Variants in RCAN3 observed in about 807,000 individuals in gnomAD.
RCAN3 encodes the protein calcipressin-3.
Under a neutral mutation model 21.9 loss-of-function variants are expected in RCAN3, and 19 were observed. That is an observed-to-expected ratio of 0.87 (90% CI 0.61 to 1.27). RCAN3 has a LOEUF of 1.27. RCAN3 is among the 50% of genes most tolerant of loss of function. The pLI is 0.00. For missense variants in RCAN3, 240 were observed against 300.1 expected (o/e 0.80, Z 1.48); for synonymous variants, 114 against 112.3 (o/e 1.01, Z -0.09).
chr1:24,503,385 C>T (rs942688100), intron 1 of RCAN3, among the ~76,000 whole-genome samples: 15 of 152,036 alleles, frequency 9.9e-5, no homozygotes, highest in Non-Finnish European at 2.1e-4. Context: ...AGGGTGGTGT[C>T]CCGGAAAACA....
At chr1:24,533,021 G>A (rs1649910985) in intron 3 of RCAN3, 62 bp from the exon 4 acceptor site, 6 of 1,090,170 alleles carry the variant, frequency 5.5e-6, no homozygotes, top group Non-Finnish European at 7.3e-6. Flanking sequence ...CAACATAAAG[G>A]TGAAAATGAA....
In RCAN3 at chr1:24,535,435, G is replaced by A. The variant is rs1650164851; in HGVS notation, c.*158G>A. ...CCTGTACTGCAGACACGGTCGTGTA[G>A]AGTAGCAGCTGATTTGACCTGTCCC... is the stretch of plus-strand genomic sequence containing the variant. On this transcript the variant is annotated 3_prime_UTR_variant, in exon 5 of 5. Coordinates refer to ENST00000374395, the MANE Select transcript of RCAN3 (RefSeq NM_013441.4). 1 of 661,186 alleles carries A rather than the reference G, an allele frequency of 1.5e-6. No individual in the cohort carries two copies. Among genetic ancestry groups the A allele is most frequent in the Admixed American group, 4.3e-5 (1 of 23,242 alleles). The allele number at this position is 661,186 out of a possible 1,614,324, so 41.0% of individuals were successfully genotyped here. A position where few individuals can be genotyped will look rare whatever the true frequency, so the allele number is the denominator to read the frequency against.
chr1:24,531,411 A>G lies in RCAN3; in HGVS notation c.369+20A>G. 1 of 1,539,936 alleles carries G rather than the reference A, an allele frequency of 6.5e-7. No homozygotes were observed. Among genetic ancestry groups the G allele is most frequent in the Non-Finnish European group, 8.8e-7 (1 of 1,141,284 alleles). ...GCACAGGTACTTCACCGTGCAGAGA[A>G]CACTGTTCTCTAAACTTGTTTTTCT... On this transcript the variant is annotated intron_variant, in intron 3 of 4. Transcript: ENST00000374395.
intron 2 of RCAN3, 38 bp downstream of exon 2, chr1:24,514,605 T>C (rs1320465406): frequency 1.3e-6 from 2 of 1,568,776 alleles, no homozygotes; most frequent in East Asian, 2.2e-5. Context: ...ATTTGTAGCA[T>C]GTTAAATGTG....
intron 1 of RCAN3, among the ~76,000 whole-genome samples, chr1:24,505,225 C>CTTT (rs1351108344): frequency 1.6e-4 from 18 of 109,560 alleles, no homozygotes; most frequent in Non-Finnish European, 2.7e-4. Context: ...TTTTTTTTCT[C>CTTT]TTTTTTCTTT....
At chr1:24,506,290 A>G (rs1326006469) in intron 1 of RCAN3, among the ~76,000 whole-genome samples, 2 of 152,210 alleles carry the variant, frequency 1.3e-5, no homozygotes, top group African/African-American at 4.8e-5. Context: ...AGAAATATAG[A>G]TATCTTGGGA....
At chr1:24,521,998 C>T (rs1648860494) in intron 2 of RCAN3, among the ~76,000 whole-genome samples, 1 of 152,048 alleles carries the variant, frequency 6.6e-6, no homozygotes, top group South Asian at 2.1e-4. Context: ...GATGGTCACA[C>T]AGTAAGACTG....
rs114361596 is a variant in RCAN3 at position 24,522,286 on chromosome 1, G to A, written c.195+7719G>A. ...TTGCTGGAGCAGCCAGCTGTGTGCA[G>A]GTGTGACCTCACACCTGGCCTGAGC... is the stretch of plus-strand genomic sequence containing the variant. On this transcript the variant is annotated intron_variant, in intron 2 of 4. Transcript: ENST00000374395. Among the ~76,000 whole-genome samples, 674 of 152,254 alleles carry A rather than the reference G, an allele frequency of 4.4e-3. 3 individuals carry two copies. The highest frequency in any genetic ancestry group is 6.8e-3 in the Non-Finnish European group (462 of 68,012).
rs1287043997 is a variant in RCAN3, at chr1:24,540,357, A to G, written c.*5080A>G. 1 of 152,296 alleles carries G rather than the reference A, an allele frequency of 6.6e-6. No homozygotes were observed. Among genetic ancestry groups the G allele is most frequent in the African/African-American group, 2.4e-5 (1 of 41,512 alleles). 9.4% of individuals were successfully genotyped at this position (152,296 alleles called of 1,614,324 possible). Reference sequence around the variant, plus strand: ...GGTCTGTCTGGATGTAAACCTATATATTTCCTTTTGAAACAGAATCATATC... The same window carrying G: ...GGTCTGTCTGGATGTAAACCTATATGTTTCCTTTTGAAACAGAATCATATC... On this transcript the variant is annotated 3_prime_UTR_variant, in exon 5 of 5. Coordinates refer to ENST00000374395, the MANE Select transcript of RCAN3 (RefSeq NM_013441.4).
At chr1:24,529,519 C>G (rs1649570145) in intron 2 of RCAN3, among the ~76,000 whole-genome samples, 2 of 149,120 alleles carry the variant, frequency 1.3e-5, no homozygotes, top group South Asian at 4.3e-4. Context: ...CCACTGCACT[C>G]CAGCCTGGGT....
At chr1:24,511,895 A>C (rs1249955340) in intron 1 of RCAN3, among the ~76,000 whole-genome samples, 1 of 152,156 alleles carries the variant, frequency 6.6e-6, no homozygotes, top group Non-Finnish European at 1.5e-5. Flanking sequence ...GGTAGTGTGG[A>C]GGCCAAACTG....
intron 1 of RCAN3, among the ~76,000 whole-genome samples, chr1:24,505,343 A>G (rs1647361241): frequency 2.1e-5 from 3 of 142,286 alleles, no homozygotes; most frequent in African/African-American, 8.0e-5. Context: ...AGGCTCAAGT[A>G]TTCCTCCCAC....
At chr1:24,526,580 C>T (rs1409647521) in intron 2 of RCAN3, among the ~76,000 whole-genome samples, 2 of 152,124 alleles carry the variant, frequency 1.3e-5, no homozygotes, top group Non-Finnish European at 2.9e-5. Flanking sequence ...TGCGTTGGTA[C>T]TAGGAAGAAT....
chr1:24,531,392 G>A lies in RCAN3; in HGVS notation c.369+1G>A. On this transcript the variant is annotated splice_donor_variant, in intron 3 of 4. Transcript: ENST00000374395. LOFTEE classifies it high-confidence loss of function. ...GAAGCTAAAGCTATATTTTGCACAG[G>A]TACTTCACCGTGCAGAGAACACTGT... 1.2e-6 allele frequency: 2 copies of A among 1,601,984 alleles called. No individual in the cohort carries two copies. The highest frequency in any genetic ancestry group is 1.7e-6 in the Non-Finnish European group (2 of 1,173,818).
At chr1:24,530,009 AC>A (rs11340138) in intron 2 of RCAN3, among the ~76,000 whole-genome samples, 64,079 of 141,900 alleles carry the variant, frequency 0.45, 14,630 homozygotes, top group East Asian at 0.7. Context: ...AAAAAAAAAA[AC>A]AAAACAAAAT....
intron 3 of RCAN3, among the ~76,000 whole-genome samples, chr1:24,532,777 T>TA (rs1439196968): frequency 1.3e-5 from 2 of 150,294 alleles, no homozygotes; most frequent in African/African-American, 4.9e-5. Flanking sequence ...TGCAACCCCG[T>TA]CTCTACTAAA....
intron 3 of RCAN3, among the ~76,000 whole-genome samples, chr1:24,532,010 T>C (rs1014340812): frequency 1.3e-5 from 2 of 152,066 alleles, no homozygotes; most frequent in Non-Finnish European, 2.9e-5. Context: ...TTTCAAAACA[T>C]TTTTTTCAGT....
upstream of RCAN3, chr1:24,502,747 G>GGCCCCCGCGC (rs1363790847): frequency 6.6e-6 from 1 of 150,580 alleles, no homozygotes; most frequent in African/African-American, 2.4e-5. Context: ...CCCCCACCCC[G>GGCCCCCGCGC]GCCCCCGCGC....
intron 2 of RCAN3, among the ~76,000 whole-genome samples, chr1:24,523,652 T>A: frequency 6.7e-6 from 1 of 148,268 alleles, no homozygotes; most frequent in East Asian, 1.9e-4. Flanking sequence ...ATATATATTT[T>A]TTTTCTTCAG....
Sources: gnomAD v4.1 joint callset for allele counts (sites outside exome capture counted in the v4.1 genomes callset) on GRCh38, gnomAD v4.1.1 for gene constraint, MANE v1.5 for transcripts, NCBI Gene and HGNC (gene_info 2026-07-23, HGNC 2026-07-21) for gene names.